Variants in DDX31 observed in about 807,000 individuals in gnomAD.
DDX31 encodes the protein ATP-dependent DNA helicase DDX31.
A neutral mutation model predicts 91.3 loss-of-function variants in DDX31; 70 were observed. That is an observed-to-expected ratio of 0.77 (90% CI 0.63 to 0.94). DDX31 has a LOEUF of 0.94. DDX31 is among the 40% of genes least tolerant of loss of function. DDX31 has a pLI of 0.00. For synonymous variants in DDX31, 362 were observed against 350.6 expected (o/e 1.03, Z -0.36); for missense variants, 902 against 925.0 (o/e 0.98, Z 0.32).
intron 17 of DDX31, 122 bp downstream of exon 17, chr9:132,625,542 C>T (rs891291314): frequency 7.9e-6 from 6 of 763,756 alleles, no homozygotes; most frequent in African/African-American, 1.8e-5. Flanking sequence ...ATCTAATGTT[C>T]ATGGTTCTTA....
rs529557230 is a variant in DDX31, at chr9:132,649,514, C to T, written c.740+720G>A. The stretch of plus-strand genomic sequence containing the variant: ...GGTCCCCGACACTGGAGCACCAGGC[C>T]AGCCTTGGACTGGCTCTGTCAGATT... On this transcript the variant is annotated intron_variant, in intron 9 of 19. Transcript: ENST00000372159. Among the ~76,000 whole-genome samples the T allele has an allele frequency of 9.9e-5, 15 of 152,280 alleles. No homozygotes were observed. In the East Asian group the frequency reaches 2.9e-3, roughly 29 times the overall value.
chr9:132,627,726 C>T (rs891464911), intron 16 of DDX31, among the ~76,000 whole-genome samples: 2 of 152,286 alleles, frequency 1.3e-5, no homozygotes, highest in East Asian at 1.9e-4. Flanking sequence ...TGTCTCTTGC[C>T]CTGTCTGCTC....
intron 19 of DDX31, among the ~76,000 whole-genome samples, chr9:132,603,454 GTTAGA>G (rs1314580136): frequency 6.6e-6 from 1 of 152,198 alleles, no homozygotes; most frequent in Non-Finnish European, 1.5e-5. Flanking sequence ...TGAAAGTAGA[GTTAGA>G]TTAGAAGAGG....
intron 1 of DDX31, among the ~76,000 whole-genome samples, chr9:132,667,932 T>C (rs1835422047): frequency 1.3e-5 from 2 of 152,146 alleles, no homozygotes; most frequent in South Asian, 4.2e-4. Flanking sequence ...TTCTATGGAG[T>C]AGAAATTATT....
At chr9:132,661,993 A>T (rs3739902) in intron 3 of DDX31, among the ~76,000 whole-genome samples, 30,632 of 151,972 alleles carry the variant, frequency 0.2, 3,893 homozygotes, top group East Asian at 0.4. Context: ...TTAGTCGAGG[A>T]AAGTCTTCAA....
chr9:132,609,425 G>A (rs1183016572), intron 19 of DDX31, among the ~76,000 whole-genome samples: 1 of 152,112 alleles, frequency 6.6e-6, no homozygotes, highest in Non-Finnish European at 1.5e-5. Flanking sequence ...CTCAAGGTAA[G>A]GACAATGCTG....
chr9:132,622,011 AAAT>A (rs1832060725), intron 17 of DDX31, among the ~76,000 whole-genome samples: 1 of 145,992 alleles, frequency 6.8e-6, no homozygotes, highest in Non-Finnish European at 1.5e-5. Context: ...AAAAAAAAAA[AAAT>A]CACCAAACCT....
chr9:132,666,004 A>G (rs1488496959), intron 1 of DDX31, among the ~76,000 whole-genome samples: 1 of 152,242 alleles, frequency 6.6e-6, no homozygotes, highest in African/African-American at 2.4e-5. Context: ...AAACATGTGT[A>G]TGCTGGAAAC....
intron 1 of DDX31, among the ~76,000 whole-genome samples, chr9:132,664,866 C>T (rs1835212136): frequency 6.6e-6 from 1 of 152,112 alleles, no homozygotes; most frequent in African/African-American, 2.4e-5. Context: ...TCCTCCTTTG[C>T]ACATGCTACT....
At chr9:132,609,959 T>C (rs1164754075) in intron 19 of DDX31, among the ~76,000 whole-genome samples, 1 of 152,202 alleles carries the variant, frequency 6.6e-6, no homozygotes, top group African/African-American at 2.4e-5. Flanking sequence ...GGCAGATCTC[T>C]TCCTCTGCTC....
At chr9:132,666,239 G>A (rs910125464) in intron 1 of DDX31, among the ~76,000 whole-genome samples, 1 of 151,970 alleles carries the variant, frequency 6.6e-6, no homozygotes, top group African/African-American at 2.4e-5. Context: ...GTATTGGTCT[G>A]CTTCTGGGCT....
chr9:132,631,119 T>C (rs1369935005), intron 15 of DDX31, among the ~76,000 whole-genome samples: 1 of 152,240 alleles, frequency 6.6e-6, no homozygotes, highest in Non-Finnish European at 1.5e-5. Flanking sequence ...TATGTTTTCT[T>C]TGGCAATAAC....
At position 132,669,942 on chromosome 9, in the gene DDX31, G is replaced by T; in HGVS notation, c.-8C>A. 2 of 1,588,702 alleles carry T rather than the reference G, an allele frequency of 1.3e-6. No individual in the cohort carries two copies. Among genetic ancestry groups the T allele is most frequent in the Non-Finnish European group, 1.7e-6 (2 of 1,168,470 alleles). ...ACCGTCGGCGGCTGCCATGGTCTGC[G>T]TGGGTGACGCGTGGTGCAGCAGCGA... On this transcript the variant is annotated 5_prime_UTR_variant, in exon 1 of 20. Coordinates refer to ENST00000372159, the MANE Select transcript of DDX31 (RefSeq NM_022779.9).
chr9:132,662,381 CA>C, intron 2 of DDX31, 45 bp from the exon 3 acceptor site: 1 of 1,613,984 alleles, frequency 6.2e-7, no homozygotes. Context: ...CCAATATTAA[CA>C]AAGAAAAGGC....
intron 12 of DDX31, among the ~76,000 whole-genome samples, chr9:132,646,343 G>A (rs555489160): frequency 3.9e-5 from 6 of 152,138 alleles, no homozygotes; most frequent in African/African-American, 7.2e-5. Context: ...TGGGAGCTCC[G>A]TTCCCTTTAT....
chr9:132,646,727 G>A (rs1214583967), intron 12 of DDX31, 96 bp downstream of exon 12: 1 of 1,201,534 alleles, frequency 8.3e-7, no homozygotes, highest in African/African-American at 1.5e-5. Context: ...GAAAACCTCT[G>A]ATTTTTGGTG....
At chr9:132,601,977 G>A (rs1564274549) in intron 19 of DDX31, among the ~76,000 whole-genome samples, 1 of 152,232 alleles carries the variant, frequency 6.6e-6, no homozygotes, top group East Asian at 1.9e-4. Context: ...GCACGAAAAA[G>A]AGAAAAGGGG....
intron 5 of DDX31, 24 bp downstream of exon 5, chr9:132,659,686 G>T (rs1413696425): frequency 6.3e-7 from 1 of 1,596,372 alleles, no homozygotes; most frequent in South Asian, 1.1e-5. Flanking sequence ...AGATGAAAAA[G>T]GGCAGAGATG....
intron 6 of DDX31, among the ~76,000 whole-genome samples, chr9:132,653,215 C>T (rs923788238): frequency 1.3e-5 from 2 of 151,532 alleles, no homozygotes; most frequent in Non-Finnish European, 1.5e-5. Context: ...AATCAATAGC[C>T]AGGTGCAGTG....
Sources: allele counts gnomAD v4.1 joint callset (sites outside exome capture counted in the v4.1 genomes callset), GRCh38; gene constraint gnomAD v4.1.1; transcripts MANE v1.5; gene names NCBI Gene and HGNC (gene_info 2026-07-23, HGNC 2026-07-21).